Variants in MACROD2 observed in about 807,000 individuals in gnomAD.
The protein encoded by MACROD2 is mono-ADP ribosylhydrolase 2.
Under a neutral mutation model 70.4 loss-of-function variants are expected in MACROD2, and 36 were observed. The observed-to-expected ratio is 0.51, with a 90% confidence interval of 0.39 to 0.68. The LOEUF is 0.68. Among genes scored for constraint, MACROD2 ranks in the 30% least tolerant of loss-of-function variants. MACROD2 has a pLI of 0.00. For missense variants in MACROD2, 496 were observed against 538.4 expected, an observed-to-expected ratio of 0.92 and a Z score of 0.78; for synonymous variants, 172 against 178.8, an observed-to-expected ratio of 0.96 and a Z score of 0.30.
intron 8 of MACROD2, among the ~76,000 whole-genome samples, chr20:15,528,369 C>G (rs2047749908): frequency 6.6e-6 from 1 of 152,200 alleles, no homozygotes; most frequent in African/African-American, 2.4e-5. Context: ...TCCTGACCTG[C>G]CTTGGCCTCC....
At chr20:14,705,899 CTCTT>C (rs1490469259) in intron 5 of MACROD2, among the ~76,000 whole-genome samples, 1 of 151,848 alleles carries the variant, frequency 6.6e-6, no homozygotes, top group South Asian at 2.1e-4. Flanking sequence ...CTTCCTCTCT[CTCTT>C]TTTCTTCTCT....
intron 4 of MACROD2, among the ~76,000 whole-genome samples, chr20:14,615,340 C>T (rs965071884): frequency 2.0e-5 from 3 of 152,000 alleles, no homozygotes; most frequent in East Asian, 1.9e-4. Context: ...AAGGAGGATT[C>T]GAGTGGAGTG....
At chr20:15,274,802 T>C (rs1406877770) in intron 6 of MACROD2, among the ~76,000 whole-genome samples, 1 of 152,152 alleles carries the variant, frequency 6.6e-6, no homozygotes, top group African/African-American at 2.4e-5. Flanking sequence ...TAATGGCACA[T>C]TGTGATAATT....
At chr20:15,421,055 C>G (rs1468233983) in intron 6 of MACROD2, among the ~76,000 whole-genome samples, 1 of 152,162 alleles carries the variant, frequency 6.6e-6, no homozygotes, top group Non-Finnish European at 1.5e-5. Context: ...CACTGCATTT[C>G]AGCCTGGGCA....
At chr20:15,363,491 A>T (rs2078376889) in intron 6 of MACROD2, among the ~76,000 whole-genome samples, 1 of 152,206 alleles carries the variant, frequency 6.6e-6, no homozygotes, top group Admixed American at 6.5e-5. Flanking sequence ...GGCAGAAGTG[A>T]CCAACTGGGA....
intron 8 of MACROD2, among the ~76,000 whole-genome samples, chr20:15,789,347 A>G (rs2051982613): frequency 6.6e-6 from 1 of 152,172 alleles, no homozygotes; most frequent in Non-Finnish European, 1.5e-5. Context: ...TCATTTAATT[A>G]CGGCGGCACA....
chr20:15,022,520 A>G (rs575518072), intron 5 of MACROD2, among the ~76,000 whole-genome samples: 1 of 152,366 alleles, frequency 6.6e-6, no homozygotes, highest in East Asian at 1.9e-4. Context: ...ATTTATGAAC[A>G]TGACTTAGAA....
chr20:14,784,021 A>T (rs1388975030), intron 5 of MACROD2, among the ~76,000 whole-genome samples: 1 of 152,130 alleles, frequency 6.6e-6, no homozygotes, highest in African/African-American at 2.4e-5. Flanking sequence ...AGGTACTAGC[A>T]GTCAGGCCTA....
At chr20:14,264,017 ACACAC>A (rs948377620) in intron 3 of MACROD2, among the ~76,000 whole-genome samples, 1 of 118,162 alleles carries the variant, frequency 8.5e-6, no homozygotes, top group Non-Finnish European at 1.9e-5. Flanking sequence ...ACACACACAC[ACACAC>A]ACACAACACA....
intron 3 of MACROD2, among the ~76,000 whole-genome samples, chr20:14,158,419 C>CT (rs1241737406): frequency 2.6e-5 from 4 of 152,164 alleles, no homozygotes; most frequent in Admixed American, 6.5e-5. Flanking sequence ...TGGGTAGAAG[C>CT]TTTTTAGTTT....
intron 3 of MACROD2, chr20:14,324,980 A>T (rs951715110): frequency 6.6e-6 from 1 of 152,636 alleles, no homozygotes; most frequent in African/African-American, 2.4e-5. Context: ...ATATGCAGGA[A>T]GTTTGATATT....
At chr20:15,608,330 A>G (rs1002283434) in intron 8 of MACROD2, among the ~76,000 whole-genome samples, 7 of 152,248 alleles carry the variant, frequency 4.6e-5, no homozygotes, top group Middle Eastern at 3.2e-3. Context: ...TAACTTGGTC[A>G]ATGGAATGTC....
intron 7 of MACROD2, among the ~76,000 whole-genome samples, chr20:15,440,868 A>C (rs2046486448): frequency 1.3e-5 from 2 of 152,162 alleles, no homozygotes; most frequent in Admixed American, 1.3e-4. Flanking sequence ...AGGTGGTCTA[A>C]TGATGACTCT....
At chr20:14,417,428 A>G (rs1383410590) in intron 3 of MACROD2, among the ~76,000 whole-genome samples, 1 of 152,158 alleles carries the variant, frequency 6.6e-6, no homozygotes, top group Non-Finnish European at 1.5e-5. Context: ...AATGATAGGA[A>G]AGTCAATGCT....
chr20:14,697,248 A>G (rs1320238432), intron 5 of MACROD2, among the ~76,000 whole-genome samples: 1 of 152,212 alleles, frequency 6.6e-6, no homozygotes, highest in Non-Finnish European at 1.5e-5. Flanking sequence ...AAAATTAACA[A>G]AAGTTATTTT....
chr20:14,485,681 A>T lies in MACROD2; in HGVS notation c.272-7798A>T, dbSNP rs369942458. ...GTGCCACTTGCACTCCAGCCTGGGCAACAGAGCAAGACTCCGTCTCAAAAA... is the reference window on the plus strand; with the variant it reads ...GTGCCACTTGCACTCCAGCCTGGGCTACAGAGCAAGACTCCGTCTCAAAAA... On this transcript the variant is annotated intron_variant, in intron 3 of 17. Transcript: ENST00000684519. Among the ~76,000 whole-genome samples, 49 of 95,092 alleles carry T rather than the reference A, an allele frequency of 5.2e-4. 1 individual carries two copies. In the East Asian group the frequency reaches 0.015, roughly 30 times the overall value. 62.4% of individuals were successfully genotyped at this position (95,092 alleles called of 152,430 possible).
At chr20:14,259,461 C>G (rs2082084757) in intron 3 of MACROD2, among the ~76,000 whole-genome samples, 1 of 152,154 alleles carries the variant, frequency 6.6e-6, no homozygotes, top group African/African-American at 2.4e-5. Flanking sequence ...GTAGCTCATA[C>G]TTACCCTCAG....
chr20:15,257,089 A>G (rs1279978379), intron 6 of MACROD2, among the ~76,000 whole-genome samples: 2 of 152,016 alleles, frequency 1.3e-5, no homozygotes, highest in African/African-American at 4.8e-5. Context: ...CTATTTTTTT[A>G]CTCTGGATTA....
intron 3 of MACROD2, among the ~76,000 whole-genome samples, chr20:14,185,928 T>C (rs2081340613): frequency 6.6e-6 from 1 of 152,194 alleles, no homozygotes; most frequent in South Asian, 2.1e-4. Context: ...GGTATTTTTT[T>C]TGAAACTTTT....
Sources: allele counts gnomAD v4.1 joint callset (sites outside exome capture counted in the v4.1 genomes callset), GRCh38; gene constraint gnomAD v4.1.1; transcripts MANE v1.5; gene names NCBI Gene and HGNC (gene_info 2026-07-23, HGNC 2026-07-21).